NTN4: variants seen among roughly 807,000 people sequenced by gnomAD.
NTN4 encodes netrin-4.
Under a neutral mutation model 73.6 loss-of-function variants are expected in NTN4, and 32 were observed. The ratio of observed to expected loss-of-function variants is 0.44; its 90% CI spans 0.33 to 0.58. NTN4 has a LOEUF of 0.58. NTN4 is among the 20% of genes least tolerant of loss of function. NTN4 has a pLI of 0.04. For synonymous variants in NTN4, 258 were observed against 287.5 expected, an observed-to-expected ratio of 0.90 and a Z score of 1.04; for missense variants, 654 against 798.3, an observed-to-expected ratio of 0.82 and a Z score of 2.18.
chr12:95,700,782 T>C (rs1364296748), intron 5 of NTN4, among the ~76,000 whole-genome samples: 2 of 151,450 alleles, frequency 1.3e-5, no homozygotes, highest in East Asian at 3.9e-4. Context: ...TTTCTTTTTC[T>C]TTTCTTCCCT....
intron 5 of NTN4, among the ~76,000 whole-genome samples, chr12:95,708,773 C>A (rs1204309781): frequency 2.0e-4 from 31 of 152,246 alleles, no homozygotes; most frequent in Admixed American, 2.0e-3. Flanking sequence ...ATCTTATATA[C>A]ACACTTTGTC....
At chr12:95,659,517 C>T (rs1318746153) in intron 9 of NTN4, among the ~76,000 whole-genome samples, 1 of 152,060 alleles carries the variant, frequency 6.6e-6, no homozygotes, top group Non-Finnish European at 1.5e-5. Context: ...AGGCTGGTCT[C>T]GAGCTCCTGA....
intron 3 of NTN4, among the ~76,000 whole-genome samples, chr12:95,736,943 G>A (rs1414594182): frequency 6.6e-6 from 1 of 152,164 alleles, no homozygotes; most frequent in Admixed American, 6.5e-5. Flanking sequence ...TATCCTTTAG[G>A]AAATGCAGTA....
At chr12:95,713,595 T>C (rs2121093783) in intron 3 of NTN4, among the ~76,000 whole-genome samples, 1 of 152,362 alleles carries the variant, frequency 6.6e-6, no homozygotes, top group Non-Finnish European at 1.5e-5. Flanking sequence ...AGGTACTGGC[T>C]GAGCAAACAC....
chr12:95,665,899 G>T lies in NTN4; in HGVS notation c.1661C>A (p.Ser554Tyr). ...TCCTCGGAAAATCTTCAGTTTGGTA[G>T]ATTTTAAGACCTTTTTAATCTTCAC... ...VNVKIKKVLK[S>Y]TKLKIFRGKR... is the part of the protein sequence containing the mutation. The change falls in exon 9 of 10, where the codon TCT (serine) becomes TAT (tyrosine). Residue 554 changes from serine (S) to tyrosine (Y), a missense_variant. Physicochemically the swap from Ser to Tyr is moderately radical, Grantham distance 144. Transcript: ENST00000343702. The T allele has an allele frequency of 6.2e-7, 1 of 1,613,650 alleles. No individual in the cohort carries two copies. The highest frequency in any genetic ancestry group is 1.1e-5 in the South Asian group (1 of 91,064).
chr12:95,661,488 C>T (rs2078137488), intron 9 of NTN4, among the ~76,000 whole-genome samples: 1 of 152,172 alleles, frequency 6.6e-6, no homozygotes, highest in Non-Finnish European at 1.5e-5. Context: ...ATATCACACT[C>T]ACTCTTTTCT....
intron 2 of NTN4, among the ~76,000 whole-genome samples, chr12:95,771,005 T>TTTTTTTTTTTTTTTTTTTTTTTTTTTG (rs2079054521): frequency 6.8e-6 from 1 of 148,010 alleles, no homozygotes; most frequent in African/African-American, 2.6e-5. Flanking sequence ...TTTTTTTTTT[T>TTTTTTTTTTTTTTTTTTTTTTTTTTTG]TTGAGACAGA....
chr12:95,784,843 T>G (rs1305794681), intron 2 of NTN4, among the ~76,000 whole-genome samples: 1 of 152,218 alleles, frequency 6.6e-6, no homozygotes, highest in Non-Finnish European at 1.5e-5. Flanking sequence ...ATCTGTACAC[T>G]GAAATAACTT....
intron 2 of NTN4, among the ~76,000 whole-genome samples, chr12:95,771,016 G>C (rs1045540964): frequency 1.4e-4 from 14 of 102,828 alleles, no homozygotes; most frequent in Non-Finnish European, 2.9e-4. Flanking sequence ...TTGAGACAGA[G>C]TCTCGCTCTG....
chr12:95,708,380 C>T (rs968736195), intron 5 of NTN4, among the ~76,000 whole-genome samples: 25 of 151,606 alleles, frequency 1.6e-4, no homozygotes, highest in African/African-American at 3.4e-4. Flanking sequence ...CTCCGCATCC[C>T]GGGTTCACGC....
intron 2 of NTN4, among the ~76,000 whole-genome samples, chr12:95,754,754 CTA>C (rs1296698336): frequency 6.6e-6 from 1 of 152,118 alleles, no homozygotes; most frequent in Non-Finnish European, 1.5e-5. Context: ...TTCCCAAATC[CTA>C]TAAAACGGCC....
intron 1 of NTN4, among the ~76,000 whole-genome samples, chr12:95,788,167 A>G (rs1258544505): frequency 6.6e-6 from 1 of 152,082 alleles, no homozygotes; most frequent in African/African-American, 2.4e-5. Flanking sequence ...TAAGAAAAAA[A>G]CTCTCTGAAC....
intron 2 of NTN4, among the ~76,000 whole-genome samples, chr12:95,753,229 C>A (rs2078923457): frequency 6.6e-6 from 1 of 151,946 alleles, no homozygotes; most frequent in Admixed American, 6.6e-5. Context: ...CCTCTCAGAA[C>A]CTCTCATTTC....
intron 5 of NTN4, among the ~76,000 whole-genome samples, chr12:95,701,473 T>TA (rs1391220816): frequency 2.0e-5 from 3 of 152,096 alleles, no homozygotes; most frequent in Non-Finnish European, 2.9e-5. Flanking sequence ...TCCCCAGTCT[T>TA]AAAAAAACAA....
intron 8 of NTN4, among the ~76,000 whole-genome samples, chr12:95,668,781 G>A (rs113981685): frequency 0.08 from 12,120 of 151,628 alleles, 654 homozygotes; most frequent in East Asian, 0.28. Context: ...TTTGAGGTCA[G>A]AAGTCCAAAA....
At chr12:95,784,641 C>T (rs978730040) in intron 2 of NTN4, among the ~76,000 whole-genome samples, 1 of 151,982 alleles carries the variant, frequency 6.6e-6, no homozygotes, top group Non-Finnish European at 1.5e-5. Flanking sequence ...GTGGTGTGCA[C>T]CTGTAATCCC....
intron 5 of NTN4, among the ~76,000 whole-genome samples, chr12:95,696,213 C>T (rs915324436): frequency 2.7e-5 from 4 of 150,912 alleles, no homozygotes; most frequent in African/African-American, 4.9e-5. Context: ...TCATGCTCCC[C>T]TTTTTTTTTC....
At chr12:95,679,658 A>C (rs2120977858) in intron 7 of NTN4, among the ~76,000 whole-genome samples, 1 of 152,334 alleles carries the variant, frequency 6.6e-6, no homozygotes, top group Non-Finnish European at 1.5e-5. Context: ...AACCCAGCTT[A>C]AAGTCATCTC....
chr12:95,669,880 C>T (rs1485898846), intron 8 of NTN4, among the ~76,000 whole-genome samples, 198 bp downstream of exon 8: 1 of 152,174 alleles, frequency 6.6e-6, no homozygotes, highest in Non-Finnish European at 1.5e-5. Flanking sequence ...TTCTGTCCTC[C>T]CTGGGACATC....
Sources: allele counts gnomAD v4.1 joint callset (sites outside exome capture counted in the v4.1 genomes callset), GRCh38; gene constraint gnomAD v4.1.1; transcripts MANE v1.5; gene names NCBI Gene and HGNC (gene_info 2026-07-23, HGNC 2026-07-21).